GRK3: variants seen among roughly 807,000 people sequenced by gnomAD.
GRK3 encodes adrenergic, beta, receptor kinase 2.
Under a neutral mutation model 95.7 loss-of-function variants are expected in GRK3, and 54 were observed. The ratio of observed to expected loss-of-function variants is 0.56; its 90% CI spans 0.45 to 0.71. The LOEUF (loss-of-function observed/expected upper bound fraction) is 0.71. Ranked by LOEUF, GRK3 falls within the 30% of genes least tolerant of loss-of-function variation. The pLI is 0.00. For synonymous variants in GRK3, 281 were observed against 290.8 expected (o/e 0.97, Z 0.34); for missense variants, 649 against 851.2 (o/e 0.76, Z 2.96).
chr22:25,670,833 C>G (rs560033889), intron 6 of GRK3, among the ~76,000 whole-genome samples: 393 of 140,912 alleles, frequency 2.8e-3, no homozygotes, highest in African/African-American at 0.01. Context: ...GCGGGCGGAT[C>G]GAGACCATCC....
intron 9 of GRK3, among the ~76,000 whole-genome samples, chr22:25,684,803 C>T (rs1838623265): frequency 6.6e-6 from 1 of 152,174 alleles, no homozygotes; most frequent in Non-Finnish European, 1.5e-5. Context: ...TAACCAGCTC[C>T]ATTTTACTGT....
chr22:25,673,246 T>C (rs1484013662), intron 7 of GRK3, among the ~76,000 whole-genome samples: 1 of 152,070 alleles, frequency 6.6e-6, no homozygotes, highest in East Asian at 1.9e-4. Context: ...TATTTTTTAG[T>C]AGAGATGGGG....
At chr22:25,631,327 T>A (rs2084662756) in intron 2 of GRK3, among the ~76,000 whole-genome samples, 1 of 152,232 alleles carries the variant, frequency 6.6e-6, no homozygotes, top group South Asian at 2.1e-4. Context: ...ATGACTTATT[T>A]TAGTCCACAC....
chr22:25,703,496 C>A lies in GRK3; in HGVS notation c.1161-14C>A. On this transcript the variant is annotated splice_polypyrimidine_tract_variant and intron_variant, in intron 13 of 20. Coordinates refer to ENST00000324198, the MANE Select transcript of GRK3 (RefSeq NM_005160.4). ...GATGCCATATTTTGATAGAACAATT[C>A]TTTATTTCTACAGTCACAGCCCTTT... 6.2e-7 allele frequency: 1 copy of A among 1,604,388 alleles called. No homozygotes were observed. Among genetic ancestry groups the A allele is most frequent in the Non-Finnish European group, 8.5e-7 (1 of 1,171,894 alleles).
chr22:25,588,673 A>G (rs1172036797), intron 1 of GRK3, among the ~76,000 whole-genome samples: 3 of 152,298 alleles, frequency 2.0e-5, no homozygotes, highest in Middle Eastern at 3.4e-3. Context: ...GGGGGAACAG[A>G]ATCTTGATAT....
At chr22:25,712,362 C>T (rs1000461816) in intron 17 of GRK3, among the ~76,000 whole-genome samples, 4 of 152,336 alleles carry the variant, frequency 2.6e-5, no homozygotes, top group Admixed American at 1.3e-4. Flanking sequence ...TAGCCGGAAC[C>T]ATTGATACCT....
intron 3 of GRK3, chr22:25,649,264 T>A: frequency 9.7e-7 from 1 of 1,030,192 alleles, no homozygotes; most frequent in Non-Finnish European, 1.5e-6. Flanking sequence ...TATGCTCACA[T>A]CTGCCAAAAT....
At chr22:25,565,605 C>T (rs968531983) in intron 1 of GRK3, among the ~76,000 whole-genome samples, 1 of 152,190 alleles carries the variant, frequency 6.6e-6, no homozygotes, top group African/African-American at 2.4e-5. Flanking sequence ...TCCCCCTTTC[C>T]AACTCCATCC....
chr22:25,616,228 G>A lies in GRK3; in HGVS notation c.190+11775G>A, dbSNP rs369779128. 1.5e-4 allele frequency among the ~76,000 whole-genome samples: 23 copies of A among 152,288 alleles called. 1 individual carries two copies. The highest frequency in any genetic ancestry group is 7.2e-4 in the Admixed American group (11 of 15,296). On this transcript the variant is annotated intron_variant, in intron 2 of 20. Coordinates refer to ENST00000324198, the MANE Select transcript of GRK3 (RefSeq NM_005160.4). The stretch of plus-strand genomic sequence containing the variant: ...CTCACACTGCTGTAAAGGACTGCTT[G>A]AGACTGAGTAACTTATGAAGAAAAG...
intron 8 of GRK3, among the ~76,000 whole-genome samples, chr22:25,677,354 C>A: frequency 1.9e-5 from 2 of 104,508 alleles, no homozygotes; most frequent in Non-Finnish European, 1.8e-5. Flanking sequence ...CCAGCCTGGG[C>A]AACAGAATGA....
intron 20 of GRK3, 25 bp downstream of exon 20, chr22:25,721,422 G>A (rs2085431484): frequency 2.4e-6 from 3 of 1,263,248 alleles, no homozygotes; most frequent in Admixed American, 1.9e-5. Context: ...TTTCTTAGGT[G>A]AATGTTAGAA....
chr22:25,649,190 C>T, intron 3 of GRK3: 1 of 1,341,492 alleles, frequency 7.5e-7, no homozygotes, highest in Admixed American at 1.7e-5. Flanking sequence ...TGGGAGACTA[C>T]TTCACTGCTA....
chr22:25,574,967 G>GA (rs1931841107), intron 1 of GRK3, among the ~76,000 whole-genome samples: 1 of 152,156 alleles, frequency 6.6e-6, no homozygotes, highest in African/African-American at 2.4e-5. Context: ...ATATAGAAGA[G>GA]AAAAATTGCA....
chr22:25,630,628 G>A (rs542116097), intron 2 of GRK3, among the ~76,000 whole-genome samples: 3 of 152,292 alleles, frequency 2.0e-5, no homozygotes, highest in African/African-American at 7.2e-5. Context: ...CCCAGTTCGC[G>A]TTGTTCCTTT....
intron 2 of GRK3, among the ~76,000 whole-genome samples, chr22:25,614,692 A>C (rs1428484634): frequency 6.6e-6 from 1 of 152,230 alleles, no homozygotes; most frequent in Non-Finnish European, 1.5e-5. Flanking sequence ...GGAAATTAGC[A>C]TGCATATGAA....
chr22:25,620,133 G>A (rs1186070383), intron 2 of GRK3, among the ~76,000 whole-genome samples: 1 of 151,782 alleles, frequency 6.6e-6, no homozygotes, highest in Non-Finnish European at 1.5e-5. Context: ...GAGACAGAGG[G>A]AGGGGCGCTT....
Position 25,723,939 on chromosome 22 carries a change from T to C in GRK3, c.*1489T>C, listed in dbSNP as rs146260261. 6.6e-6 allele frequency: 1 copy of C among 150,706 alleles called. No homozygotes were observed. The highest frequency in any genetic ancestry group is 2.0e-4 in the East Asian group (1 of 5,120). The allele number at this position is 150,706 out of a possible 1,614,324, so 9.3% of individuals were successfully genotyped here. A position where few individuals can be genotyped will look rare whatever the true frequency, so the allele number is the denominator to read the frequency against. On this transcript the variant is annotated 3_prime_UTR_variant, in exon 21 of 21. Transcript: ENST00000324198. ...AAAAGGGTCCATTATTTCATAAGAG[T>C]TACTTTGCAAAAAAAAAAATGTGGG...
intron 2 of GRK3, among the ~76,000 whole-genome samples, chr22:25,642,003 A>G (rs546308221): frequency 6.6e-6 from 1 of 152,348 alleles, no homozygotes; most frequent in African/African-American, 2.4e-5. Context: ...CTTAAGTTCA[A>G]ATTCTCATGT....
chr22:25,703,609 A>T, intron 14 of GRK3, 33 bp downstream of exon 14: 1 of 1,458,210 alleles, frequency 6.9e-7, no homozygotes, highest in Non-Finnish European at 9.6e-7. Flanking sequence ...TCTTGTCTGT[A>T]TGGTAATTGT....
Sources: allele counts gnomAD v4.1 joint callset (sites outside exome capture counted in the v4.1 genomes callset), GRCh38; gene constraint gnomAD v4.1.1; transcripts MANE v1.5; gene names NCBI Gene and HGNC (gene_info 2026-07-23, HGNC 2026-07-21).